Variants in DLC1 observed in about 807,000 individuals in gnomAD.
The protein encoded by DLC1 is rho GTPase-activating protein 7.
A neutral mutation model predicts 140.3 loss-of-function variants in DLC1; 54 were observed. That is an observed-to-expected ratio of 0.38 (90% CI 0.31 to 0.48). The LOEUF (loss-of-function observed/expected upper bound fraction) is 0.48. Ranked by LOEUF, DLC1 falls within the 20% of genes least tolerant of loss-of-function variation. The probability of loss-of-function intolerance (pLI) is 0.96; values close to 1 mark genes in which losing one functional copy is unlikely to be tolerated. For missense variants in DLC1, 2,536 were observed against 1,907.0 expected (o/e 1.33, Z -6.14); for synonymous variants, 986 against 728.1 (o/e 1.35, Z -5.70).
intron 5 of DLC1, among the ~76,000 whole-genome samples, chr8:13,262,113 G>A (rs1455068838): frequency 6.6e-6 from 1 of 152,128 alleles, no homozygotes; most frequent in Non-Finnish European, 1.5e-5. Context: ...GGGACAGTGT[G>A]AGTTCTAAAT....
At chr8:13,245,021 T>C (rs780432376) in intron 5 of DLC1, among the ~76,000 whole-genome samples, 1 of 152,230 alleles carries the variant, frequency 6.6e-6, no homozygotes. Flanking sequence ...CCACCCCTTA[T>C]GTTAAGGCAG....
intron 1 of DLC1, among the ~76,000 whole-genome samples, chr8:13,594,895 C>T (rs1299913715): frequency 6.6e-6 from 1 of 151,404 alleles, no homozygotes; most frequent in African/African-American, 2.4e-5. Flanking sequence ...TTCACCGTCC[C>T]TTTCAGGTTT....
chr8:13,464,211 T>C (rs571544749), intron 2 of DLC1, among the ~76,000 whole-genome samples: 17 of 152,216 alleles, frequency 1.1e-4, no homozygotes, highest in South Asian at 8.3e-4. Flanking sequence ...GCTAGATGTG[T>C]GGTGAAGAAG....
intron 4 of DLC1, among the ~76,000 whole-genome samples, chr8:13,351,720 C>A (rs1284945694): frequency 6.6e-6 from 1 of 152,158 alleles, no homozygotes. Flanking sequence ...TATTCACTAT[C>A]TGATCCTTTA....
intron 10 of DLC1, 66 bp from the exon 11 acceptor site, chr8:13,095,311 C>A: frequency 6.3e-7 from 1 of 1,596,280 alleles, no homozygotes; most frequent in Non-Finnish European, 8.6e-7. Flanking sequence ...TACACTTGTC[C>A]AATTCTGCAG....
intron 2 of DLC1, among the ~76,000 whole-genome samples, chr8:13,405,933 C>A (rs1469207432): frequency 1.2e-5 from 1 of 86,898 alleles, no homozygotes; most frequent in Admixed American, 1.3e-4. Flanking sequence ...TTCTTTCTTT[C>A]TTTCTTTCTT....
chr8:13,264,023 T>A (rs1018670865), intron 5 of DLC1, among the ~76,000 whole-genome samples: 1 of 149,242 alleles, frequency 6.7e-6, no homozygotes, highest in African/African-American at 2.5e-5. Flanking sequence ...TAGGGCATAT[T>A]TGTATGACAG....
chr8:13,518,797 G>T (rs1802675240), upstream of DLC1, among the ~76,000 whole-genome samples: 1 of 152,070 alleles, frequency 6.6e-6, no homozygotes, highest in African/African-American at 2.4e-5. Flanking sequence ...TACAGTTAGT[G>T]TAATAAATGT....
At chr8:13,157,862 A>G (rs1035317033) in intron 5 of DLC1, among the ~76,000 whole-genome samples, 1 of 152,148 alleles carries the variant, frequency 6.6e-6, no homozygotes, top group Non-Finnish European at 1.5e-5. Flanking sequence ...CTCAATTTCT[A>G]TTTACCACAC....
Position 13,099,868 on chromosome 8 carries a change from G to T in DLC1, c.2469C>A (p.Thr823=). 6.2e-7 allele frequency: 1 copy of T among 1,614,206 alleles called. No individual in the cohort carries two copies. Among genetic ancestry groups the T allele is most frequent in the Non-Finnish European group, 8.5e-7 (1 of 1,180,048 alleles). ...HKPGTFPKAL[T]NGSFSPSGNN... ...TCCCCGAGGGGGAGAAACTGCCATT[G>T]GTGAGAGCTTTGGGGAAAGTGCCAG... is the stretch of plus-strand genomic sequence containing the variant. The change falls in exon 9 of 18, where the codon ACC becomes ACA. Residue 823 remains threonine (T), a synonymous_variant. Transcript: ENST00000276297.
At chr8:13,488,791 T>A (rs1352223413) in intron 2 of DLC1, among the ~76,000 whole-genome samples, 2 of 152,252 alleles carry the variant, frequency 1.3e-5, no homozygotes, top group African/African-American at 2.4e-5. Context: ...GTTATTTGTG[T>A]GTTACATTGC....
chr8:13,343,497 T>C (rs1356103435), intron 4 of DLC1, among the ~76,000 whole-genome samples: 1 of 152,200 alleles, frequency 6.6e-6, no homozygotes, highest in Non-Finnish European at 1.5e-5. Flanking sequence ...AATGTATTGA[T>C]TGTCTACTCT....
intron 5 of DLC1, chr8:13,133,061 C>A: frequency 6.4e-7 from 1 of 1,556,150 alleles, no homozygotes; most frequent in Non-Finnish European, 8.7e-7. Context: ...TCGGGACCCA[C>A]GGCGGCACCC....
At chr8:13,511,398 TAAC>T (rs1802358985) in intron 1 of DLC1, among the ~76,000 whole-genome samples, 2 of 152,154 alleles carry the variant, frequency 1.3e-5, no homozygotes, top group Non-Finnish European at 2.9e-5. Context: ...GAATCAAAAT[TAAC>T]AATCTTTTTT....
At chr8:13,393,921 A>C (rs1160014710) in intron 3 of DLC1, among the ~76,000 whole-genome samples, 2 of 152,204 alleles carry the variant, frequency 1.3e-5, no homozygotes, top group Non-Finnish European at 2.9e-5. Flanking sequence ...GTAACATACT[A>C]TTTGGTAATT....
At chr8:13,313,097 C>G (rs1457016260) in intron 4 of DLC1, among the ~76,000 whole-genome samples, 2 of 152,194 alleles carry the variant, frequency 1.3e-5, no homozygotes, top group Admixed American at 6.5e-5. Context: ...CTGGGCATTA[C>G]TAAGGCAACG....
At chr8:13,291,913 T>C (rs1049418019) in intron 5 of DLC1, among the ~76,000 whole-genome samples, 1 of 151,972 alleles carries the variant, frequency 6.6e-6, no homozygotes, top group Admixed American at 6.6e-5. Context: ...TGGAATTCTT[T>C]CTACACATTA....
intron 5 of DLC1, among the ~76,000 whole-genome samples, chr8:13,235,240 T>C (rs1462705086): frequency 6.6e-6 from 1 of 152,118 alleles, no homozygotes; most frequent in African/African-American, 2.4e-5. Context: ...AACTACCTAG[T>C]GTCATATTGA....
At chr8:13,300,748 C>G (rs73562505) in intron 5 of DLC1, among the ~76,000 whole-genome samples, 2,348 of 152,192 alleles carry the variant, frequency 0.015, 60 homozygotes, top group African/African-American at 0.054. Flanking sequence ...AAATGGCCAG[C>G]CAGGACAGTT....
Sources: allele counts gnomAD v4.1 joint callset (sites outside exome capture counted in the v4.1 genomes callset), GRCh38; gene constraint gnomAD v4.1.1; transcripts MANE v1.5; gene names NCBI Gene and HGNC (gene_info 2026-07-23, HGNC 2026-07-21).